Variants in CCNT1 observed in about 807,000 individuals in gnomAD.
CCNT1 encodes the protein cyclin-T1.
CCNT1 carries 18 observed loss-of-function variants against 67.3 expected under a neutral mutation model. That is an observed-to-expected ratio of 0.27 (90% confidence interval 0.18 to 0.40). The LOEUF (loss-of-function observed/expected upper bound fraction) is 0.40. Ranked by LOEUF, CCNT1 falls within the 10% of genes least tolerant of loss-of-function variation. The pLI, the probability that CCNT1 is intolerant of heterozygous loss-of-function variation, is 1.00. For missense variants in CCNT1, 744 were observed against 884.9 expected (o/e 0.84, Z 2.02); for synonymous variants, 333 against 310.3 (o/e 1.07, Z -0.77).
chr12:48,707,029 GA>G (rs1940371615), intron 2 of CCNT1, among the ~76,000 whole-genome samples: 1 of 152,110 alleles, frequency 6.6e-6, no homozygotes, highest in South Asian at 2.1e-4. Flanking sequence ...CATAGTGAGA[GA>G]GACTCCATCT....
At chr12:48,694,687 T>C (rs1165759000) in intron 8 of CCNT1, among the ~76,000 whole-genome samples, 1 of 152,218 alleles carries the variant, frequency 6.6e-6, no homozygotes, top group African/African-American at 2.4e-5. Flanking sequence ...TTATCTAAAA[T>C]TCATACATGA....
Position 48,690,805 on chromosome 12 carries a change from G to A in CCNT1, c.*2228C>T, listed in dbSNP as rs747246915. The stretch of plus-strand genomic sequence containing the variant: ...GCCTCTGTGGTAAAGGAGTGCATGT[G>A]ATTAGAAAATATGTGACATTTGATG... On this transcript the variant is annotated 3_prime_UTR_variant, in exon 9 of 9. Coordinates refer to ENST00000261900, the MANE Select transcript of CCNT1 (RefSeq NM_001240.4). 1 of 152,158 alleles carries A rather than the reference G, an allele frequency of 6.6e-6. No individual in the cohort carries two copies. The highest frequency in any genetic ancestry group is 6.5e-5 in the Admixed American group (1 of 15,268). 9.4% of individuals were successfully genotyped at this position (152,158 alleles called of 1,614,324 possible).
intron 2 of CCNT1, among the ~76,000 whole-genome samples, chr12:48,712,280 A>G (rs77145111): frequency 0.037 from 5,581 of 152,070 alleles, 162 homozygotes; most frequent in African/African-American, 0.075. Flanking sequence ...CATCCTCAAA[A>G]GCATAATCTT....
chr12:48,697,187 CATTG>C (rs1940182552), intron 6 of CCNT1, among the ~76,000 whole-genome samples: 1 of 151,868 alleles, frequency 6.6e-6, no homozygotes, highest in Non-Finnish European at 1.5e-5. Context: ...CATAAGTGCC[CATTG>C]ATTGATAGAG....
At position 48,698,137 on chromosome 12, in the gene CCNT1, C is replaced by T; in HGVS notation, c.542+1G>A. The T allele has an allele frequency of 6.4e-7, 1 of 1,563,102 alleles. No individual in the cohort carries two copies. Among genetic ancestry groups the T allele is most frequent in the Non-Finnish European group, 8.7e-7 (1 of 1,155,226 alleles). Reference sequence around the variant, plus strand: ...AGAGAAAAAAAAATTAAAATATAAACCTGTTGGTTGCCATGAAGTAAGAAG... The same window carrying T: ...AGAGAAAAAAAAATTAAAATATAAATCTGTTGGTTGCCATGAAGTAAGAAG... On this transcript the variant is annotated splice_donor_variant, in intron 6 of 8. Transcript: ENST00000261900. LOFTEE classifies it high-confidence loss of function.
At position 48,691,533 on chromosome 12, in the gene CCNT1, C is replaced by G. The variant is rs1940073253; in HGVS notation, c.*1500G>C. Reference sequence around the variant, plus strand: ...CAACTAACTTAGAATTCTTTCTAGCCAAGATTTTCTGAAAGATTTATTAAA... The same window carrying G: ...CAACTAACTTAGAATTCTTTCTAGCGAAGATTTTCTGAAAGATTTATTAAA... On this transcript the variant is annotated 3_prime_UTR_variant, in exon 9 of 9. Coordinates refer to ENST00000261900, the MANE Select transcript of CCNT1 (RefSeq NM_001240.4). 6.6e-6 allele frequency: 1 copy of G among 152,128 alleles called. No individual in the cohort carries two copies. Among genetic ancestry groups the G allele is most frequent in the Admixed American group, 6.5e-5 (1 of 15,276 alleles). 9.4% of individuals were successfully genotyped at this position (152,128 alleles called of 1,614,324 possible).
At position 48,693,556 on chromosome 12, in the gene CCNT1, T is replaced by C. The variant is rs763529662; in HGVS notation, c.1658A>G (p.Asn553Ser). 6 of 1,614,068 alleles carry C rather than the reference T, an allele frequency of 3.7e-6. No individual in the cohort carries two copies. The African/African-American group carries it at 4.0e-5, about 11-fold the overall frequency. The change falls in exon 9 of 9, where the codon AAC (asparagine) becomes AGC (serine). Residue 553 changes from asparagine to serine, a missense_variant. Physicochemically the swap from Asn to Ser is conservative, Grantham distance 46. Transcript: ENST00000261900. The part of the protein sequence containing the change: ...GDPKHSSQTS[N>S]LAHKTYSLSS... ...CAAGCTATAGGTTTTATGTGCTAAG[T>C]TGCTTGTCTGGCTACTATGTTTTGG...
At position 48,693,454 on chromosome 12, in the gene CCNT1, T is replaced by C; in HGVS notation, c.1760A>G (p.His587Arg). The C allele has an allele frequency of 6.2e-7, 1 of 1,614,244 alleles. No homozygotes were observed. The change falls in exon 9 of 9, where the codon CAT (histidine) becomes CGT (arginine). Residue 587 changes from histidine (H) to arginine (R), a missense_variant. Coordinates refer to ENST00000261900, the MANE Select transcript of CCNT1 (RefSeq NM_001240.4). ...AGTACTCTTGGCAATCTTGGCTGGA[T>C]GATCAAACACAGCCCCTCCAGTCTC... is the stretch of plus-strand genomic sequence containing the variant. ...SEETGGAVFD[H>R]PAKIAKSTKS...
At chr12:48,698,271 A>G (rs1389285091) in intron 5 of CCNT1, 88 bp from the exon 6 acceptor site, 4 of 980,016 alleles carry the variant, frequency 4.1e-6, no homozygotes, top group Non-Finnish European at 6.1e-6. Context: ...TAAGCATTTA[A>G]TATTTGCAAG....
At chr12:48,716,096 T>C (rs1300294164) in intron 1 of CCNT1, among the ~76,000 whole-genome samples, 2 of 152,178 alleles carry the variant, frequency 1.3e-5, no homozygotes, top group Non-Finnish European at 2.9e-5. Context: ...TTATAACACT[T>C]TCAGGTACTG....
chr12:48,705,992 T>G (rs1000211999), intron 2 of CCNT1, 96 bp from the exon 3 acceptor site: 16 of 1,239,438 alleles, frequency 1.3e-5, no homozygotes, highest in Non-Finnish European at 1.8e-5. Flanking sequence ...ATCAAGTTAT[T>G]TGCTTGCCTC....
Position 48,693,683 on chromosome 12 carries a change from T to TGTGCTTTTCTTTGTGCTCTC in CCNT1, c.1511_1530dup (p.Lys511GlufsTer51). The stretch of plus-strand genomic sequence containing the variant: ...TGATGATGATTAGATGGGTGAGTCT[T>TGTGCTTTTCTTTGTGCTCTC]GTGCTTTTCTTTGTGCTCTCGGCTC... On this transcript the variant is annotated frameshift_variant, in exon 9 of 9. Transcript: ENST00000261900. LOFTEE classifies it high-confidence loss of function. 6.2e-7 allele frequency: 1 copy of TGTGCTTTTCTTTGTGCTCTC among 1,614,154 alleles called. No individual in the cohort carries two copies. Among genetic ancestry groups the TGTGCTTTTCTTTGTGCTCTC allele is most frequent in the Non-Finnish European group, 8.5e-7 (1 of 1,180,034 alleles).
At chr12:48,703,898 C>A (rs1940313013) in intron 3 of CCNT1, among the ~76,000 whole-genome samples, 1 of 151,030 alleles carries the variant, frequency 6.6e-6, no homozygotes, top group Admixed American at 6.6e-5. Context: ...TGGACTCCAG[C>A]CAGGGCAACA....
intron 1 of CCNT1, 93 bp downstream of exon 1, chr12:48,716,422 C>G: frequency 8.3e-7 from 1 of 1,197,770 alleles, no homozygotes; most frequent in Non-Finnish European, 1.2e-6. Context: ...CCACCTTCTT[C>G]CCCACTTTCG....
At chr12:48,713,723 G>T (rs1382860619) in intron 2 of CCNT1, among the ~76,000 whole-genome samples, 1 of 152,168 alleles carries the variant, frequency 6.6e-6, no homozygotes, top group Admixed American at 6.6e-5. Flanking sequence ...GGTTAAGGCT[G>T]CAATGAGCCA....
In CCNT1 at chr12:48,690,395, T is replaced by C. The variant is rs1228788366; in HGVS notation, c.*2638A>G. 4 of 152,312 alleles carry C rather than the reference T, an allele frequency of 2.6e-5. No homozygotes were observed. Among genetic ancestry groups the C allele is most frequent in the African/African-American group, 9.7e-5 (4 of 41,432 alleles). 9.4% of individuals were successfully genotyped at this position (152,312 alleles called of 1,614,324 possible). A position where few individuals can be genotyped will look rare whatever the true frequency, so the allele number is the denominator to read the frequency against. ...AAGGTACAAGGATAGGAAAGACACA[T>C]AGAGCTCAGAAACCACACAGCCCTT... is the stretch of plus-strand genomic sequence containing the variant. On this transcript the variant is annotated 3_prime_UTR_variant, in exon 9 of 9. Coordinates refer to ENST00000261900, the MANE Select transcript of CCNT1 (RefSeq NM_001240.4).
intron 2 of CCNT1, among the ~76,000 whole-genome samples, chr12:48,712,309 T>C (rs1940463708): frequency 1.3e-5 from 2 of 151,652 alleles, no homozygotes; most frequent in African/African-American, 4.8e-5. Flanking sequence ...TGAGATGGAG[T>C]TTCGCTCTTG....
intron 5 of CCNT1, among the ~76,000 whole-genome samples, chr12:48,698,817 G>A (rs1011722235): frequency 2.0e-5 from 3 of 152,008 alleles, no homozygotes; most frequent in Non-Finnish European, 4.4e-5. Flanking sequence ...ATTAGCTGGG[G>A]TGGTGGCGCA....
In CCNT1 at chr12:48,693,328, C is replaced by G; in HGVS notation, c.1886G>C (p.Ser629Thr). ...DTSGLSFSQP[S>T]CKTRVPHSKL... is the part of the protein sequence containing the mutation. ...CGAATGAGGGACACGAGTTTTACAG[C>G]TGGGCTGTGAAAAGGAAAGGCCACT... is the stretch of plus-strand genomic sequence containing the variant. The change falls in exon 9 of 9, where the codon AGC (serine) becomes ACC (threonine). Residue 629 changes from serine to threonine, a missense_variant. Physicochemically the swap from Ser to Thr is moderately conservative, Grantham distance 58. Around this residue, in one of 3 missense-constraint regions of CCNT1, gnomAD observed 564 missense variants for 574.2 expected, o/e 0.98. Coordinates refer to ENST00000261900, the MANE Select transcript of CCNT1 (RefSeq NM_001240.4). 20 of 1,614,218 alleles carry G rather than the reference C, an allele frequency of 1.2e-5. No individual in the cohort carries two copies. Among genetic ancestry groups the G allele is most frequent in the Non-Finnish European group, 1.7e-5 (20 of 1,180,042 alleles).
Sources: gnomAD v4.1 joint callset for allele counts (sites outside exome capture counted in the v4.1 genomes callset) on GRCh38, gnomAD v4.1.1 for gene constraint, gnomAD v4.1.1 regional missense constraint, MANE v1.5 for transcripts, NCBI Gene and HGNC (gene_info 2026-07-23, HGNC 2026-07-21) for gene names.